The following FREM2 variants were observed in gnomAD, a reference collection of about 807,000 sequenced individuals.
The protein encoded by FREM2 is FRAS1 related extracellular matrix 2.
FREM2 carries 119 observed loss-of-function variants against 219.9 expected under a neutral mutation model. The ratio of observed to expected loss-of-function variants is 0.54; its 90% CI spans 0.47 to 0.63. The LOEUF (loss-of-function observed/expected upper bound fraction) is 0.63. Ranked by LOEUF, FREM2 falls within the 30% of genes least tolerant of loss-of-function variation. The probability of loss-of-function intolerance (pLI) is 0.00; values close to 1 mark genes in which losing one functional copy is unlikely to be tolerated. For missense variants in FREM2, 4,030 were observed against 3,993.6 expected, an observed-to-expected ratio of 1.01 and a Z score of -0.25; for synonymous variants, 1,562 against 1,522.8, an observed-to-expected ratio of 1.03 and a Z score of -0.60.
At chr13:38,698,055 G>A (rs527821641) in intron 2 of FREM2, among the ~76,000 whole-genome samples, 21 of 152,140 alleles carry the variant, frequency 1.4e-4, no homozygotes, top group Non-Finnish European at 2.6e-4. Context: ...GGATCTCCAT[G>A]TCTAGTTGTT....
intron 7 of FREM2, among the ~76,000 whole-genome samples, chr13:38,847,751 G>T (rs1222948052): frequency 6.6e-6 from 1 of 152,112 alleles, no homozygotes; most frequent in Non-Finnish European, 1.5e-5. Context: ...AAAGAAAGAA[G>T]AAATATTATC....
In FREM2 at chr13:38,749,929, A is replaced by G. The variant is rs569096838; in HGVS notation, c.5264-14375A>G. On this transcript the variant is annotated intron_variant, in intron 2 of 23. Transcript: ENST00000280481. ...TTCAAAAATGCCACCTGCATTTTAT[A>G]TTAACCAAGTGCAGCAAAACATAGT... 2.6e-5 allele frequency among the ~76,000 whole-genome samples: 4 copies of G among 152,312 alleles called. No homozygotes were observed. The East Asian group carries it at 5.8e-4, about 22-fold the overall frequency.
chr13:38,783,020 G>C, intron 4 of FREM2, 50 bp from the exon 5 acceptor site: 1 of 1,604,564 alleles, frequency 6.2e-7, no homozygotes, highest in South Asian at 1.1e-5. Flanking sequence ...TTGTTTCAGA[G>C]GTAAGAAGCT....
intron 6 of FREM2, among the ~76,000 whole-genome samples, chr13:38,820,364 G>A (rs537671594): frequency 1.2e-3 from 183 of 152,150 alleles, no homozygotes; most frequent in Admixed American, 2.9e-3. Flanking sequence ...TGCTGGCCAT[G>A]CAATACTATC....
In FREM2 at chr13:38,689,809, T is replaced by C. The variant is rs1189230824; in HGVS notation, c.2465T>C (p.Leu822Ser). ...GCTCCAGGTACCTTTACCCTTTACT[T>C]GCATCCCGTGGACAACCAGCCACCT... ...NVAPGTFTLY[L>S]HPVDNQPPEI... The change falls in exon 1 of 24, where the codon TTG becomes TCG. Residue 822 changes from leucine to serine, a missense_variant. This residue lies in a region of FREM2 where 3,102 missense variants were observed against 2,950.7 expected (regional missense o/e 1.05). Coordinates refer to ENST00000280481, the MANE Select transcript of FREM2 (RefSeq NM_207361.6). 1 of 1,614,056 alleles carries C rather than the reference T, an allele frequency of 6.2e-7. No homozygotes were observed. Among genetic ancestry groups the C allele is most frequent in the Admixed American group, 1.7e-5 (1 of 60,012 alleles).
At chr13:38,870,579 G>A (rs1386806434) in intron 16 of FREM2, among the ~76,000 whole-genome samples, 2 of 152,174 alleles carry the variant, frequency 1.3e-5, no homozygotes, top group African/African-American at 4.8e-5. Flanking sequence ...CACTTTTGAA[G>A]AAGGTAGGTG....
At chr13:38,844,552 A>G (rs1877079464) in intron 6 of FREM2, among the ~76,000 whole-genome samples, 1 of 152,142 alleles carries the variant, frequency 6.6e-6, no homozygotes, top group South Asian at 2.1e-4. Context: ...TGTGTAGCTT[A>G]TTTGGTGTTT....
Position 38,864,336 on chromosome 13 carries a change from T to A in FREM2, c.7713T>A (p.Asp2571Glu), listed in dbSNP as rs1195689478. 1 of 1,614,076 alleles carries A rather than the reference T, an allele frequency of 6.2e-7. No individual in the cohort carries two copies. Among genetic ancestry groups the A allele is most frequent in the African/African-American group, 1.3e-5 (1 of 74,944 alleles). ...LSNFELTLSP[D>E]GTRVGNHKCS... ...ACTTTGAGCTCACCCTCAGCCCTGA[T>A]GGCACAAGAGTTGGAAACCACAAGT... Residue 2571 changes from aspartate (D) to glutamate (E), a missense_variant, in exon 16 of 24, where the codon GAT becomes GAA. Transcript: ENST00000280481.
At chr13:38,756,524 C>CTTT (rs1187227144) in intron 2 of FREM2, among the ~76,000 whole-genome samples, 9 of 103,522 alleles carry the variant, frequency 8.7e-5, no homozygotes, top group Non-Finnish European at 1.4e-4. Flanking sequence ...GGTTGGGGAC[C>CTTT]TTTTTTTTTT....
chr13:38,803,898 A>C (rs1055070722), intron 6 of FREM2, among the ~76,000 whole-genome samples: 2 of 151,966 alleles, frequency 1.3e-5, no homozygotes, highest in Non-Finnish European at 2.9e-5. Flanking sequence ...CTAGTGCTAG[A>C]AAAATACATC....
chr13:38,870,194 C>T (rs1380143362), intron 16 of FREM2, among the ~76,000 whole-genome samples: 1 of 151,968 alleles, frequency 6.6e-6, no homozygotes, highest in Non-Finnish European at 1.5e-5. Flanking sequence ...GTCATTTTTC[C>T]ATCCCATTGT....
intron 6 of FREM2, among the ~76,000 whole-genome samples, chr13:38,814,987 A>G (rs895792146): frequency 6.6e-6 from 1 of 152,034 alleles, no homozygotes; most frequent in Admixed American, 6.6e-5. Context: ...TGGCCCAGGG[A>G]AGGTTTTGAA....
intron 6 of FREM2, among the ~76,000 whole-genome samples, chr13:38,799,577 A>G (rs1031157288): frequency 6.6e-6 from 1 of 151,936 alleles, no homozygotes; most frequent in Non-Finnish European, 1.5e-5. Context: ...GTCCCTTGCT[A>G]TTATTGTATT....
chr13:38,859,082 A>T (rs1015418104), intron 13 of FREM2, among the ~76,000 whole-genome samples: 8 of 152,238 alleles, frequency 5.3e-5, no homozygotes, highest in Non-Finnish European at 8.8e-5. Flanking sequence ...TTAAGTTAGA[A>T]ATAGAAACAT....
rs191322363 is a variant in FREM2 at position 38,785,996 on chromosome 13, A to G, written c.6019+1188A>G. Among the ~76,000 whole-genome samples the G allele has an allele frequency of 3.3e-4, 51 of 152,358 alleles. 2 individuals carry two copies. The highest frequency in any genetic ancestry group is 6.8e-3 in the Middle Eastern group (2 of 294). On this transcript the variant is annotated intron_variant, in intron 6 of 23. Transcript: ENST00000280481. ...AATGATGTTTAGACACATATAAAAT[A>G]TAGTGGTCAGATCAGCATAATTAGC...
rs60338480 is a variant in FREM2 at position 38,782,993 on chromosome 13, AT to A, written c.5642-73del. The stretch of plus-strand genomic sequence containing the variant: ...GGGGGAAAAATCAATCATTAGAGAA[AT>A]TTTAATTCTGTATGATTGTTTCAGA... On this transcript the variant is annotated intron_variant, in intron 4 of 23. Coordinates refer to ENST00000280481, the MANE Select transcript of FREM2 (RefSeq NM_207361.6). 9,795 of 1,530,564 alleles carry A rather than the reference AT, an allele frequency of 6.4e-3. 485 individuals are homozygous for A. In the African/African-American group the frequency reaches 0.11, roughly 17 times the overall value. 94.8% of individuals were successfully genotyped at this position (1,530,564 alleles called of 1,614,324 possible).
Position 38,687,875 on chromosome 13 carries a change from C to T in FREM2, c.531C>T (p.Thr177=), listed in dbSNP as rs1318141528. 6.4e-7 allele frequency: 1 copy of T among 1,572,610 alleles called. No individual in the cohort carries two copies. The highest frequency in any genetic ancestry group is 8.7e-7 in the Non-Finnish European group (1 of 1,155,326). Residue 177 remains threonine (T), a synonymous_variant, in exon 1 of 24, where the codon ACC becomes ACT. Transcript: ENST00000280481. ...TACTGGAGGTGGAGGTGGTCTTCAC[C>T]CAGCTGGAGGTTGTGACTCGGAACT... The part of the protein sequence containing the change: ...PLVLEVEVVF[T]QLEVVTRNLP...
Position 38,861,472 on chromosome 13 carries a change from C to G in FREM2, c.7561C>G (p.Pro2521Ala), listed in dbSNP as rs1215997450. The change falls in exon 15 of 24, where the codon CCG (proline) becomes GCG (alanine). Residue 2521 changes from proline (P) to alanine (A), a missense_variant. Pro to Ala is a conservative substitution (Grantham distance 27). Coordinates refer to ENST00000280481, the MANE Select transcript of FREM2 (RefSeq NM_207361.6). Reference protein sequence around the residue: ...PRVPGVVGAEPFSAKLRYTGP... With the variant: ...PRVPGVVGAEAFSAKLRYTGP... ...TGTACCTGGGGTTGTTGGAGCAGAG[C>G]CGTTCTCAGCTAAATTGCGCTACAC... 6.2e-7 allele frequency: 1 copy of G among 1,611,066 alleles called. No individual in the cohort carries two copies. Among genetic ancestry groups the G allele is most frequent in the Non-Finnish European group, 8.5e-7 (1 of 1,178,278 alleles).
intron 2 of FREM2, among the ~76,000 whole-genome samples, chr13:38,698,390 T>C (rs943502366): frequency 6.6e-6 from 1 of 152,166 alleles, no homozygotes. Context: ...GAGTATAGGA[T>C]GTGACTTCTG....
Sources: allele counts gnomAD v4.1 joint callset (sites outside exome capture counted in the v4.1 genomes callset), GRCh38; gene constraint gnomAD v4.1.1; regional missense constraint gnomAD v4.1.1; transcripts MANE v1.5; gene names NCBI Gene and HGNC (gene_info 2026-07-23, HGNC 2026-07-21).